The following TBC1D2B variants were observed in gnomAD, a reference collection of about 807,000 sequenced individuals.
TBC1D2B encodes the protein TBC1 domain family member 2B.
Under a neutral mutation model 100.8 loss-of-function variants are expected in TBC1D2B, and 64 were observed. That is an observed-to-expected ratio of 0.64 (90% CI 0.52 to 0.78). TBC1D2B has a LOEUF of 0.78. Among genes scored for constraint, TBC1D2B ranks in the 30% least tolerant of loss-of-function variants. The pLI is 0.00. For synonymous variants in TBC1D2B, 480 were observed against 479.7 expected (o/e 1.00, Z -0.01); for missense variants, 1,052 against 1,218.4 (o/e 0.86, Z 2.03).
chr15:78,072,925 C>A (rs956721559), intron 1 of TBC1D2B, among the ~76,000 whole-genome samples: 1 of 152,146 alleles, frequency 6.6e-6, no homozygotes, highest in Non-Finnish European at 1.5e-5. Flanking sequence ...TACTAGGCAT[C>A]CTGGTAAAGA....
chr15:78,028,287 C>T (rs1171609231), intron 4 of TBC1D2B, among the ~76,000 whole-genome samples: 1 of 152,010 alleles, frequency 6.6e-6, no homozygotes, highest in African/African-American at 2.4e-5. Flanking sequence ...CCAGCCTGGC[C>T]AACATGATGA....
rs2072416059 is a variant in TBC1D2B, at chr15:78,017,861, C to T, written c.1567G>A (p.Asp523Asn). The T allele has an allele frequency of 6.2e-7, 1 of 1,609,164 alleles. No individual in the cohort carries two copies. The highest frequency in any genetic ancestry group is 8.5e-7 in the Non-Finnish European group (1 of 1,177,426). Reference sequence around the variant, plus strand: ...TCCTGACCCACCTTTGCCATCAGATCCCTCTCTCTCCTTTCTGCATTTCTT... The same window carrying T: ...TCCTGACCCACCTTTGCCATCAGATTCCTCTCTCTCCTTTCTGCATTTCTT... ...LRRNAERRER[D>N]LMAKYSSLEA... The change falls in exon 7 of 13, where the codon GAT becomes AAT. Residue 523 changes from aspartate (D) to asparagine (N), a missense_variant. Physicochemically the swap from Asp to Asn is conservative, Grantham distance 23 (BLOSUM62 1). Around this residue, in one of 4 missense-constraint regions of TBC1D2B, gnomAD observed 373 missense variants for 464.9 expected, o/e 0.80. Transcript: ENST00000300584.
intron 3 of TBC1D2B, among the ~76,000 whole-genome samples, chr15:78,041,800 G>A (rs2073099095): frequency 1.3e-5 from 2 of 152,190 alleles, no homozygotes; most frequent in South Asian, 4.1e-4. Flanking sequence ...GTGAAGAATG[G>A]CTTTGTCATG....
intron 1 of TBC1D2B, among the ~76,000 whole-genome samples, chr15:78,054,800 T>C (rs763199740): frequency 9.2e-5 from 14 of 152,162 alleles, no homozygotes; most frequent in South Asian, 2.1e-4. Context: ...AAGTTAAACA[T>C]ACACTTACCA....
At chr15:78,068,061 T>C (rs1203941475) in intron 1 of TBC1D2B, among the ~76,000 whole-genome samples, 1 of 152,178 alleles carries the variant, frequency 6.6e-6, no homozygotes, top group African/African-American at 2.4e-5. Flanking sequence ...CTCCCCTTCC[T>C]TTACTATGGA....
intron 1 of TBC1D2B, among the ~76,000 whole-genome samples, chr15:78,059,588 C>T (rs550690370): frequency 6.0e-4 from 92 of 152,218 alleles, no homozygotes; most frequent in African/African-American, 2.2e-3. Flanking sequence ...AAGCCATCCA[C>T]ATTCTGCTTG....
At chr15:77,999,600 G>A (rs1175030065) in intron 12 of TBC1D2B, among the ~76,000 whole-genome samples, 1 of 152,150 alleles carries the variant, frequency 6.6e-6, no homozygotes, top group African/African-American at 2.4e-5. Context: ...GCGGGAGGAG[G>A]CTCCGTGTGA....
At chr15:78,056,510 AGTT>A (rs2073424941) in intron 1 of TBC1D2B, among the ~76,000 whole-genome samples, 2 of 152,146 alleles carry the variant, frequency 1.3e-5, no homozygotes, top group African/African-American at 4.8e-5. Context: ...TGCAGCCTGG[AGTT>A]TGGGAGGCAG....
chr15:78,076,920 A>G (rs1027841118), intron 1 of TBC1D2B, among the ~76,000 whole-genome samples: 3 of 152,224 alleles, frequency 2.0e-5, no homozygotes, highest in Admixed American at 6.5e-5. Flanking sequence ...GCCATAGGCA[A>G]AGTTCTAAAG....
At chr15:78,039,277 C>T (rs554531319) in intron 3 of TBC1D2B, among the ~76,000 whole-genome samples, 146 of 152,314 alleles carry the variant, frequency 9.6e-4, no homozygotes, top group African/African-American at 3.2e-3. Flanking sequence ...TGGGCTGCGC[C>T]GGGCCCTCTG....
Position 78,003,629 on chromosome 15 carries a change from C to A in TBC1D2B, c.2389-139G>T, listed in dbSNP as rs932334612. ...AACTGTTCCAAATGCACCGTGGGGCCCATCACGGAGCCAGACTACTATGTT... is the reference window on the plus strand; with the variant it reads ...AACTGTTCCAAATGCACCGTGGGGCACATCACGGAGCCAGACTACTATGTT... On this transcript the variant is annotated intron_variant, in intron 10 of 12. Coordinates refer to ENST00000300584, the MANE Select transcript of TBC1D2B (RefSeq NM_144572.2). 9.6e-6 allele frequency: 6 copies of A among 624,326 alleles called. No homozygotes were observed. In the Admixed American group the frequency reaches 1.7e-4, roughly 18 times the overall value. 38.7% of individuals were successfully genotyped at this position (624,326 alleles called of 1,614,324 possible).
At chr15:78,010,591 G>C (rs1244338067) in intron 9 of TBC1D2B, among the ~76,000 whole-genome samples, 1 of 152,068 alleles carries the variant, frequency 6.6e-6, no homozygotes. Context: ...AGACAGAGGA[G>C]AGAAAAACAA....
intron 1 of TBC1D2B, among the ~76,000 whole-genome samples, chr15:78,071,811 C>A (rs1016087690): frequency 2.0e-5 from 3 of 152,154 alleles, no homozygotes; most frequent in African/African-American, 4.8e-5. Flanking sequence ...TTACCTTAGT[C>A]GGTTCAGGCT....
Position 78,024,313 on chromosome 15 carries a change from T to C in TBC1D2B, c.1313A>G (p.Glu438Gly), listed in dbSNP as rs529593986. Residue 438 changes from glutamate to glycine, a missense_variant, in exon 6 of 13, where the codon GAG (glutamate) becomes GGG (glycine). Physicochemically the swap from Glu to Gly is moderately conservative, Grantham distance 98. This residue lies in a region of TBC1D2B where 627 missense variants were observed against 646.1 expected (regional missense o/e 0.97). Transcript: ENST00000300584. ...GGTCTCCATGAGCATTCCCAGCTGC[T>C]CGTTGAGCTCGCCCACTTTGCTCTT... is the stretch of plus-strand genomic sequence containing the variant. ...TLKSKVGELN[E>G]QLGMLMETIQ... The C allele has an allele frequency of 9.2e-5, 148 of 1,614,088 alleles. No homozygotes were observed. The South Asian group carries it at 1.5e-3, about 17-fold the overall frequency.
At chr15:78,051,222 T>G (rs2073306391) in intron 2 of TBC1D2B, among the ~76,000 whole-genome samples, 1 of 152,362 alleles carries the variant, frequency 6.6e-6, no homozygotes, top group Non-Finnish European at 1.5e-5. Flanking sequence ...TAATTACAAC[T>G]AAACATAATG....
chr15:77,997,263 C>T lies in TBC1D2B; in HGVS notation c.*897G>A, dbSNP rs1318767754. 2 of 152,310 alleles carry T rather than the reference C, an allele frequency of 1.3e-5. No homozygotes were observed. Among genetic ancestry groups the T allele is most frequent in the Admixed American group, 1.3e-4 (2 of 15,294 alleles). The allele number at this position is 152,310 out of a possible 1,614,324, so 9.4% of individuals were successfully genotyped here. ...AGCACCCCCGAAAACATTCCTCCAT[C>T]CCCTCAACCAAGGCCAGCCCAGGCG... is the stretch of plus-strand genomic sequence containing the variant. On this transcript the variant is annotated 3_prime_UTR_variant, in exon 13 of 13. Transcript: ENST00000300584.
intron 1 of TBC1D2B, among the ~76,000 whole-genome samples, chr15:78,070,392 C>T (rs78752280): frequency 0.055 from 8,409 of 152,296 alleles, 286 homozygotes; most frequent in Middle Eastern, 0.13. Context: ...CATATCTTTC[C>T]TTTCAAACTT....
At chr15:78,041,245 C>T (rs2028547) in intron 3 of TBC1D2B, among the ~76,000 whole-genome samples, 152,317 of 152,368 alleles carry the variant, frequency 1, 76,133 homozygotes, top group Middle Eastern at 1. Flanking sequence ...TTATATTTCA[C>T]GGGTTTAGTA....
Position 78,077,661 on chromosome 15 carries a change from C to G in TBC1D2B, c.-9G>C. Reference sequence around the variant, plus strand: ...GCTCCGGCCCCCGGCATCGCTACCGCGCGCCAACCGTAGGCGCCCGCGCCC... The same window carrying G: ...GCTCCGGCCCCCGGCATCGCTACCGGGCGCCAACCGTAGGCGCCCGCGCCC... On this transcript the variant is annotated 5_prime_UTR_variant, in exon 1 of 13. Coordinates refer to ENST00000300584, the MANE Select transcript of TBC1D2B (RefSeq NM_144572.2). 3.0e-6 allele frequency: 3 copies of G among 986,928 alleles called. No homozygotes were observed. Among genetic ancestry groups the G allele is most frequent in the Non-Finnish European group, 3.6e-6 (3 of 831,328 alleles). The allele number at this position is 986,928 out of a possible 1,614,324, so 61.1% of individuals were successfully genotyped here. A position where few individuals can be genotyped will look rare whatever the true frequency, so the allele number is the denominator to read the frequency against.
Sources: gnomAD v4.1 joint callset for allele counts (sites outside exome capture counted in the v4.1 genomes callset) on GRCh38, gnomAD v4.1.1 for gene constraint, gnomAD v4.1.1 regional missense constraint, MANE v1.5 for transcripts, NCBI Gene and HGNC (gene_info 2026-07-23, HGNC 2026-07-21) for gene names.